Variants in ITSN2 observed in about 807,000 individuals in gnomAD.
ITSN2 encodes intersectin 2.
Under a neutral mutation model 243.7 loss-of-function variants are expected in ITSN2, and 156 were observed. That is an observed-to-expected ratio of 0.64 (90% confidence interval 0.56 to 0.73). ITSN2 has a LOEUF of 0.73. ITSN2 is among the 30% of genes least tolerant of loss of function. ITSN2 has a pLI of 0.00. For synonymous variants in ITSN2, 703 were observed against 699.9 expected (o/e 1.00, Z -0.07); for missense variants, 1,801 against 1,996.1 (o/e 0.90, Z 1.86).
intron 10 of ITSN2, among the ~76,000 whole-genome samples, chr2:24,301,526 CTTTTT>C (rs999219345): frequency 2.9e-5 from 4 of 137,238 alleles, no homozygotes; most frequent in Non-Finnish European, 4.8e-5. Context: ...ACATCCACTT[CTTTTT>C]TTTTTTTTTT....
At chr2:24,337,329 T>TACAC (rs1435357275) in intron 1 of ITSN2, among the ~76,000 whole-genome samples, 15 of 94,456 alleles carry the variant, frequency 1.6e-4, no homozygotes, top group African/African-American at 6.3e-4. Flanking sequence ...TATATATATA[T>TACAC]ATATATATAT....
At chr2:24,244,472 C>T (rs77549775) in intron 29 of ITSN2, among the ~76,000 whole-genome samples, 413 of 152,262 alleles carry the variant, frequency 2.7e-3, no homozygotes, top group Non-Finnish European at 3.8e-3. Context: ...CAAACCACAA[C>T]AACATATTCA....
At chr2:24,305,854 G>A (rs1682465980) in intron 8 of ITSN2, among the ~76,000 whole-genome samples, 1 of 152,128 alleles carries the variant, frequency 6.6e-6, no homozygotes, top group Non-Finnish European at 1.5e-5. Flanking sequence ...AGTAACATTA[G>A]GGATCACTTC....
At position 24,252,388 on chromosome 2, in the gene ITSN2, CT is replaced by C; in HGVS notation, c.3076del (p.Ser1026ValfsTer35). On this transcript the variant is annotated frameshift_variant, in exon 25 of 40. Coordinates refer to ENST00000355123, the MANE Select transcript of ITSN2 (RefSeq NM_006277.3). LOFTEE classifies it high-confidence loss of function. ...EWWTGSIGDR[S>X]GIFPSNYVKP... ...GACATAGTTTGATGGAAAAATTCCA[CT>C]TCTATCTCCAATACTTCCTGTCCAC... The C allele has an allele frequency of 6.2e-7, 1 of 1,613,214 alleles. No homozygotes were observed. Among genetic ancestry groups the C allele is most frequent in the South Asian group, 1.1e-5 (1 of 91,040 alleles).
At chr2:24,299,772 T>C (rs1487524737) in intron 12 of ITSN2, 137 bp downstream of exon 12, 2 of 722,100 alleles carry the variant, frequency 2.8e-6, no homozygotes, top group Non-Finnish European at 4.5e-6. Flanking sequence ...TGATCAGATT[T>C]GTATAGGGTA....
intron 1 of ITSN2, among the ~76,000 whole-genome samples, chr2:24,331,365 G>C (rs560378812): frequency 2.6e-5 from 4 of 151,656 alleles, no homozygotes; most frequent in Admixed American, 6.6e-5. Flanking sequence ...GAGCCACTGT[G>C]CCCAGCCTAC....
At position 24,334,786 on chromosome 2, in the gene ITSN2, G is replaced by C. The variant is rs986976323; in HGVS notation, c.-33-6671C>G. 4.6e-5 allele frequency: 67 copies of C among 1,442,012 alleles called. 2 individuals are homozygous for C. In the South Asian group the frequency reaches 6.4e-4, roughly 14 times the overall value. The allele number at this position is 1,442,012 out of a possible 1,614,324, so 89.3% of individuals were successfully genotyped here. On this transcript the variant is annotated intron_variant, in intron 1 of 39. Coordinates refer to ENST00000355123, the MANE Select transcript of ITSN2 (RefSeq NM_006277.3). The stretch of plus-strand genomic sequence containing the variant: ...CTATTAAAAGATGCAAGCATTGGCC[G>C]GGCGCGGTGGCTCACGCCTGTAATC...
At chr2:24,300,254 G>C (rs1421617530) in intron 11 of ITSN2, 83 bp from the exon 12 acceptor site, 4 of 1,344,104 alleles carry the variant, frequency 3.0e-6, no homozygotes, top group Non-Finnish European at 4.1e-6. Flanking sequence ...CTTATGCCTT[G>C]TGATCATTTG....
At chr2:24,339,643 A>G (rs1024638027) in intron 1 of ITSN2, among the ~76,000 whole-genome samples, 1 of 152,240 alleles carries the variant, frequency 6.6e-6, no homozygotes, top group Admixed American at 6.5e-5. Context: ...TGTGTTTTAT[A>G]TATTGAAGCT....
chr2:24,313,358 A>G (rs1292472968), intron 4 of ITSN2, 102 bp downstream of exon 4: 14 of 889,956 alleles, frequency 1.6e-5, no homozygotes, highest in Non-Finnish European at 2.2e-5. Context: ...AAATATTCTT[A>G]ATAACCAATA....
At chr2:24,298,942 A>C (rs1190998204) in intron 12 of ITSN2, 128 bp from the exon 13 acceptor site, 3 of 670,036 alleles carry the variant, frequency 4.5e-6, no homozygotes, top group Non-Finnish European at 7.1e-6. Context: ...AAGGGTAGCT[A>C]GGCAAATCTA....
chr2:24,325,314 G>A (rs537874082), intron 2 of ITSN2, among the ~76,000 whole-genome samples: 1 of 152,176 alleles, frequency 6.6e-6, no homozygotes, highest in Admixed American at 6.5e-5. Flanking sequence ...GGAAGCAGAG[G>A]CAGGAGGATT....
intron 15 of ITSN2, among the ~76,000 whole-genome samples, chr2:24,287,650 C>T (rs767410935): frequency 6.6e-6 from 1 of 152,068 alleles, no homozygotes. Flanking sequence ...AATTTACATT[C>T]CTCCAACAGT....
intron 11 of ITSN2, 26 bp downstream of exon 11, chr2:24,301,128 T>C: frequency 7.8e-7 from 1 of 1,281,586 alleles, no homozygotes; most frequent in Non-Finnish European, 1.1e-6. Context: ...TCAGTATAAA[T>C]ATACAACTTT....
In ITSN2 at chr2:24,212,690, G is replaced by T. The variant is rs755545287; in HGVS notation, c.4049C>A (p.Pro1350His). The change falls in exon 33 of 40, where the codon CCC becomes CAC. Residue 1350 changes from proline to histidine, a missense_variant. Physicochemically the swap from Pro to His is moderately conservative, Grantham distance 77. Coordinates refer to ENST00000355123, the MANE Select transcript of ITSN2 (RefSeq NM_006277.3). ...GMPLSSFLLK[P>H]MQRITRYPLL... ...TGGGTAGCGGGTGATCCTCTGCATG[G>T]GTTTCAGCAGGAAGCTGGAGAGGGG... The T allele has an allele frequency of 1.2e-6, 2 of 1,613,532 alleles. No homozygotes were observed. Among genetic ancestry groups the T allele is most frequent in the Admixed American group, 3.3e-5 (2 of 59,864 alleles).
intron 29 of ITSN2, among the ~76,000 whole-genome samples, chr2:24,232,511 C>G (rs890727528): frequency 6.6e-6 from 1 of 152,148 alleles, no homozygotes; most frequent in Non-Finnish European, 1.5e-5. Flanking sequence ...TGTACCATGA[C>G]TCAATTGAGG....
intron 1 of ITSN2, among the ~76,000 whole-genome samples, chr2:24,329,417 G>A (rs1685532378): frequency 6.6e-6 from 1 of 152,068 alleles, no homozygotes; most frequent in South Asian, 2.1e-4. Flanking sequence ...ACATCACCAT[G>A]CCCGGCTAAT....
rs564937389 is a variant in ITSN2, at chr2:24,325,184, G to A, written c.31+2868C>T. ...AAGCACTTTGGGAGGCTAAGGTGGAGGACTTCTTGAGCCCAAGAGTTCAAG... is the reference window on the plus strand; with the variant it reads ...AAGCACTTTGGGAGGCTAAGGTGGAAGACTTCTTGAGCCCAAGAGTTCAAG... On this transcript the variant is annotated intron_variant, in intron 2 of 39. Coordinates refer to ENST00000355123, the MANE Select transcript of ITSN2 (RefSeq NM_006277.3). Among the ~76,000 whole-genome samples, 55 of 152,016 alleles carry A rather than the reference G, an allele frequency of 3.6e-4. 1 individual carries two copies. The highest frequency in any genetic ancestry group is 6.3e-4 in the Non-Finnish European group (43 of 68,014).
chr2:24,297,168 C>T (rs979013266), intron 13 of ITSN2, among the ~76,000 whole-genome samples: 1 of 152,074 alleles, frequency 6.6e-6, no homozygotes, highest in Non-Finnish European at 1.5e-5. Flanking sequence ...ATATTTCTGA[C>T]TAAAGATATT....
Sources: gnomAD v4.1 joint callset for allele counts (sites outside exome capture counted in the v4.1 genomes callset) on GRCh38, gnomAD v4.1.1 for gene constraint, MANE v1.5 for transcripts, NCBI Gene and HGNC (gene_info 2026-07-23, HGNC 2026-07-21) for gene names.